Variants in SH3TC1 observed in about 807,000 individuals in gnomAD.
The protein encoded by SH3TC1 is SH3 domain and tetratricopeptide repeat-containing protein 1.
Under a neutral mutation model 117.3 loss-of-function variants are expected in SH3TC1, and 135 were observed. That is an observed-to-expected ratio of 1.15 (90% CI 1.00 to 1.33). The LOEUF (loss-of-function observed/expected upper bound fraction) is 1.33. Among genes scored for constraint, SH3TC1 ranks in the 40% most tolerant of loss-of-function variants. SH3TC1 has a pLI of 0.00. For missense variants in SH3TC1, 2,092 were observed against 1,794.3 expected (o/e 1.17, Z -3.00); for synonymous variants, 898 against 816.9 (o/e 1.10, Z -1.69).
chr4:8,185,043 T>A (rs1369525458), intron 1 of SH3TC1, among the ~76,000 whole-genome samples: 2 of 151,390 alleles, frequency 1.3e-5, no homozygotes, highest in Non-Finnish European at 2.9e-5. Context: ...CTTTAAAATA[T>A]GATTTGCGTA....
At chr4:8,198,257 A>G (rs1416868174), upstream of SH3TC1, among the ~76,000 whole-genome samples, 1 of 152,094 alleles carries the variant, frequency 6.6e-6, no homozygotes, top group East Asian at 1.9e-4. Flanking sequence ...TACCTCCCTG[A>G]GCCTTAGTTT....
rs1455671692 is a variant in SH3TC1 at position 8,218,279 on chromosome 4, T to C, written c.848T>C (p.Leu283Pro). ...CCCTCTTCCGGCTCCAGGTGGGCTC[T>C]TAGGATCCCCCAGGACCCCATCGAC... ...EPLIPFHQWALRIPQDPIDDA... is the reference protein window; with the variant it reads ...EPLIPFHQWAPRIPQDPIDDA... The change falls in exon 8 of 18, where the codon CTT becomes CCT. Residue 283 changes from leucine (L) to proline (P), a missense_variant. Coordinates refer to ENST00000245105, the MANE Select transcript of SH3TC1 (RefSeq NM_018986.5). The C allele has an allele frequency of 1.2e-6, 2 of 1,610,596 alleles. No homozygotes were observed. The highest frequency in any genetic ancestry group is 1.7e-6 in the Non-Finnish European group (2 of 1,177,332).
In SH3TC1 at chr4:8,209,156, T is replaced by C. The variant is rs1036592903; in HGVS notation, c.173-592T>C. Among the ~76,000 whole-genome samples, 2 of 152,168 alleles carry C rather than the reference T, an allele frequency of 1.3e-5. No individual in the cohort carries two copies. The highest frequency in any genetic ancestry group is 2.1e-4 in the South Asian group (1 of 4,828). The stretch of plus-strand genomic sequence containing the variant: ...AGATAAAGTCCTCCAAAGATGCCCA[T>C]GTCCTTATCCCCACGACCTACGCCT... On this transcript the variant is annotated intron_variant, in intron 2 of 17. Transcript: ENST00000245105. The surrounding 1 kb of genome is among the most constrained non-coding windows in gnomAD (Gnocchi z 5.9).
rs184950589 is a variant in SH3TC1, at chr4:8,230,200, A to G, written c.2950+1556A>G. 2.7e-3 allele frequency among the ~76,000 whole-genome samples: 404 copies of G among 152,324 alleles called. 9 individuals carry two copies. Among genetic ancestry groups the G allele is most frequent in the Non-Finnish European group, 6.0e-4 (41 of 68,032 alleles). On this transcript the variant is annotated intron_variant, in intron 12 of 17. Transcript: ENST00000245105. ...AGATGATCTGATTTGTTGGCATACA[A>G]TTGTTCGTAGTGTTCTCATGGAATC...
intron 4 of SH3TC1, among the ~76,000 whole-genome samples, chr4:8,213,502 G>A (rs1718935433): frequency 6.6e-6 from 1 of 152,184 alleles, no homozygotes; most frequent in Non-Finnish European, 1.5e-5. Context: ...TCAACACGTG[G>A]GGCTGTCGTG....
At position 8,192,133 on chromosome 4, in the gene SH3TC1, G is replaced by A. The variant is rs1717436589; in HGVS notation, c.-57+9923G>A. ...GCCTCCCAAGTAGCTAAGATTACAGGCACCTGCCACCACACTCAGCTAATT... is the reference window on the plus strand; with the variant it reads ...GCCTCCCAAGTAGCTAAGATTACAGACACCTGCCACCACACTCAGCTAATT... On this transcript the variant is annotated intron_variant, in intron 1 of 16. Transcript: ENST00000508641. The surrounding 1 kb of genome is among the most constrained non-coding windows in gnomAD (Gnocchi z 4.1). Among the ~76,000 whole-genome samples, 1 of 151,774 alleles carries A rather than the reference G, an allele frequency of 6.6e-6. No individual in the cohort carries two copies. Among genetic ancestry groups the A allele is most frequent in the Admixed American group, 6.6e-5 (1 of 15,218 alleles).
At position 8,228,502 on chromosome 4, in the gene SH3TC1, GC is replaced by G; in HGVS notation, c.2812del (p.Glu940SerfsTer204). On this transcript the variant is annotated frameshift_variant, in exon 12 of 18. Coordinates refer to ENST00000245105, the MANE Select transcript of SH3TC1 (RefSeq NM_018986.5). LOFTEE classifies it high-confidence loss of function. Reference protein sequence around the residue: ...LEAVRLFSRLPLGECGRDFTH... With the variant: ...LEAVRLFSRLXLGECGRDFTH... Reference sequence around the variant, plus strand: ...AGGCCGTGCGGCTGTTCTCGAGGCTGCCCCTTGGGGAGTGTGGCCGGGACTT... The same window carrying G: ...AGGCCGTGCGGCTGTTCTCGAGGCTGCCCTTGGGGAGTGTGGCCGGGACTT... The G allele has an allele frequency of 6.2e-7, 1 of 1,611,438 alleles. No individual in the cohort carries two copies. Among genetic ancestry groups the G allele is most frequent in the Non-Finnish European group, 8.5e-7 (1 of 1,179,506 alleles).
chr4:8,217,180 C>G lies in SH3TC1; in HGVS notation c.839+13C>G, dbSNP rs1474750515. 1.3e-6 allele frequency: 2 copies of G among 1,587,608 alleles called. No homozygotes were observed. The highest frequency in any genetic ancestry group is 2.3e-5 in the South Asian group (2 of 88,004). On this transcript the variant is annotated intron_variant, in intron 7 of 17. Transcript: ENST00000245105. ...TTCCATTTCATCAGTAGGTACCGGC[C>G]TTTGCTGCTCTGAGAGCTGTTGGCC...
intron 11 of SH3TC1, among the ~76,000 whole-genome samples, chr4:8,226,414 C>A (rs750769589): frequency 6.6e-6 from 1 of 152,208 alleles, no homozygotes; most frequent in Non-Finnish European, 1.5e-5. Context: ...CATTTCCCTG[C>A]ATGGAGCTGG....
intron 14 of SH3TC1, among the ~76,000 whole-genome samples, chr4:8,233,751 CCATCCAT>C (rs1331215756): frequency 5.6e-5 from 3 of 53,322 alleles, no homozygotes; most frequent in Non-Finnish European, 8.1e-5. Flanking sequence ...ATCCATCCAT[CCATCCAT>C]CATCCATCCA....
At position 8,190,261 on chromosome 4, in the gene SH3TC1, G is replaced by A. The variant is rs576633114; in HGVS notation, c.-57+8051G>A. On this transcript the variant is annotated intron_variant, in intron 1 of 16. Transcript: ENST00000508641. The surrounding 1 kb of genome is among the most constrained non-coding windows in gnomAD (Gnocchi z 4.7). ...CGGAGCCTCGAGCTCCCAGGAGATGGCTCCCAGCTGGGAGGACTTCACTCC... is the reference window on the plus strand; with the variant it reads ...CGGAGCCTCGAGCTCCCAGGAGATGACTCCCAGCTGGGAGGACTTCACTCC... Among the ~76,000 whole-genome samples the A allele has an allele frequency of 6.6e-6, 1 of 152,278 alleles. No homozygotes were observed. The highest frequency in any genetic ancestry group is 1.5e-5 in the Non-Finnish European group (1 of 68,004).
At position 8,227,190 on chromosome 4, in the gene SH3TC1, T is replaced by C; in HGVS notation, c.1496T>C (p.Leu499Pro). 4 of 1,575,218 alleles carry C rather than the reference T, an allele frequency of 2.5e-6. No homozygotes were observed. The highest frequency in any genetic ancestry group is 3.5e-6 in the Non-Finnish European group (4 of 1,158,138). The part of the protein sequence containing the change: ...AEDDWEDPEA[L>P]SSLLLFLNAP... ...GACGACTGGGAGGACCCAGAGGCCC[T>C]GAGCTCACTGCTGCTGTTCCTGAAC... Residue 499 changes from leucine to proline, a missense_variant, in exon 12 of 18, where the codon CTG (leucine) becomes CCG (proline). By Grantham distance (98) the Leu-to-Pro change is moderately conservative. Coordinates refer to ENST00000245105, the MANE Select transcript of SH3TC1 (RefSeq NM_018986.5).
chr4:8,233,972 G>GTCCA (rs529251928), intron 14 of SH3TC1, among the ~76,000 whole-genome samples: 4 of 117,324 alleles, frequency 3.4e-5, no homozygotes, highest in Non-Finnish European at 5.5e-5. Flanking sequence ...TCACCTGTTT[G>GTCCA]TCCATCCATC....
intron 5 of SH3TC1, chr4:8,215,203 A>G (rs1324196208): frequency 6.6e-6 from 3 of 456,176 alleles, no homozygotes; most frequent in Non-Finnish European, 1.3e-5. Flanking sequence ...CAGTGGCCTC[A>G]GTGCTGACCG....
Position 8,228,159 on chromosome 4 carries a change from G to T in SH3TC1, c.2465G>T (p.Arg822Leu), listed in dbSNP as rs371064421. The change falls in exon 12 of 18, where the codon CGT becomes CTT. Residue 822 changes from arginine to leucine, a missense_variant. Transcript: ENST00000245105. ...GAAGCCAGTGCTATTGCCGGAGTCC[G>T]TGCCATCGTGGACCACCTGGTGGCC... ...AVEASAIAGV[R>L]AIVDHLVALA... 2.7e-5 allele frequency: 44 copies of T among 1,611,952 alleles called. No homozygotes were observed. The South Asian group carries it at 4.2e-4, about 15-fold the overall frequency.
intron 15 of SH3TC1, 121 bp downstream of exon 15, chr4:8,235,676 A>T: frequency 7.5e-7 from 1 of 1,339,534 alleles, no homozygotes; most frequent in East Asian, 2.5e-5. Context: ...GCACATGCTT[A>T]GTTTCCTAGT....
At position 8,205,292 on chromosome 4, in the gene SH3TC1, G is replaced by A. The variant is rs914216552; in HGVS notation, c.98G>A (p.Arg33Gln). The A allele has an allele frequency of 1.5e-5, 24 of 1,550,350 alleles. No homozygotes were observed. The highest frequency in any genetic ancestry group is 1.9e-4 in the Middle Eastern group (1 of 5,256). The change falls in exon 2 of 18, where the codon CGG becomes CAG. Residue 33 changes from arginine to glutamine, a missense_variant. By Grantham distance (43) the Arg-to-Gln change is conservative. Coordinates refer to ENST00000245105, the MANE Select transcript of SH3TC1 (RefSeq NM_018986.5). The surrounding 1 kb of genome is among the most constrained non-coding windows in gnomAD (Gnocchi z 5.4). ...SGGGSTRDQV[R>Q]TVVMRPSVSW... is the part of the protein sequence containing the mutation. Reference sequence around the variant, plus strand: ...GGTGGCAGCACCCGGGACCAGGTCCGGACTGTGGTCATGAGGCCCTCTGTG... The same window carrying A: ...GGTGGCAGCACCCGGGACCAGGTCCAGACTGTGGTCATGAGGCCCTCTGTG...
At chr4:8,194,894 T>C (rs1200900084), upstream of SH3TC1, among the ~76,000 whole-genome samples, 1 of 152,220 alleles carries the variant, frequency 6.6e-6, no homozygotes, top group East Asian at 1.9e-4. Flanking sequence ...TGTCTCCGGC[T>C]GCTCCACTCA....
At position 8,189,554 on chromosome 4, in the gene SH3TC1, G is replaced by A. The variant is rs114232011; in HGVS notation, c.-57+7344G>A. Among the ~76,000 whole-genome samples, 968 of 152,352 alleles carry A rather than the reference G, an allele frequency of 6.4e-3. 9 individuals are homozygous for A. The highest frequency in any genetic ancestry group is 0.022 in the African/African-American group (917 of 41,576). On this transcript the variant is annotated intron_variant, in intron 1 of 16. Transcript: ENST00000508641. Reference sequence around the variant, plus strand: ...GTGGCCAGGGCCCCGCCAGGGGTGGGAGAGGGGAGAGCAGGGTGAGGCTGG... The same window carrying A: ...GTGGCCAGGGCCCCGCCAGGGGTGGAAGAGGGGAGAGCAGGGTGAGGCTGG...
Sources: gnomAD v4.1 joint callset for allele counts (sites outside exome capture counted in the v4.1 genomes callset) on GRCh38, gnomAD v4.1.1 for gene constraint, Gnocchi (gnomAD v3.1) non-coding constraint, MANE v1.5 for transcripts, NCBI Gene and HGNC (gene_info 2026-07-23, HGNC 2026-07-21) for gene names.